TMEM71: variants seen among roughly 807,000 people sequenced by gnomAD.
The protein encoded by TMEM71 is transmembrane protein 71.
TMEM71 carries 44 observed loss-of-function variants against 38.0 expected under a neutral mutation model. The observed-to-expected ratio is 1.16, with a 90% CI of 0.91 to 1.49. The LOEUF (loss-of-function observed/expected upper bound fraction) is 1.49. Ranked by LOEUF, TMEM71 falls within the 40% of genes most tolerant of loss-of-function variation. TMEM71 has a pLI of 0.00. For missense variants in TMEM71, 367 were observed against 348.6 expected (o/e 1.05, Z -0.42); for synonymous variants, 133 against 122.5 (o/e 1.09, Z -0.56).
In TMEM71 at chr8:132,751,953, C is replaced by A; in HGVS notation, c.146G>T (p.Gly49Val). The A allele has an allele frequency of 6.2e-7, 1 of 1,614,038 alleles. No homozygotes were observed. ...SLDGYHSFECGSIDPLTGSHY... is the reference protein window; with the variant it reads ...SLDGYHSFECVSIDPLTGSHY... Reference sequence around the variant, plus strand: ...GGAGCCTGTCAGGGGATCTATGGAGCCGCATTCAAAAGAATGGTAACCATC... The same window carrying A: ...GGAGCCTGTCAGGGGATCTATGGAGACGCATTCAAAAGAATGGTAACCATC... The change falls in exon 4 of 10, where the codon GGC (glycine) becomes GTC (valine). Residue 49 changes from glycine to valine, a missense_variant. Coordinates refer to ENST00000677595, the MANE Select transcript of TMEM71 (RefSeq NM_001382403.1).
the TMEM71 span, chr8:132,775,705 C>A: frequency 3.1e-6 from 1 of 318,106 alleles, no homozygotes; most frequent in Non-Finnish European, 5.7e-6. Context: ...CCGCCCGGGA[C>A]GCCCCCATTC....
chr8:132,708,983 A>G (rs1469716828), downstream of TMEM71, among the ~76,000 whole-genome samples: 1 of 152,196 alleles, frequency 6.6e-6, no homozygotes, highest in East Asian at 1.9e-4. Context: ...TAAGCCACCA[A>G]ATCTGTGGTA....
chr8:132,754,322 T>C (rs1028250421), intron 3 of TMEM71, among the ~76,000 whole-genome samples: 1 of 152,156 alleles, frequency 6.6e-6, no homozygotes, highest in Non-Finnish European at 1.5e-5. Flanking sequence ...CTAAATAAAC[T>C]ATCGATTTCT....
chr8:132,758,025 CA>C (rs1222303208), intron 2 of TMEM71: 1 of 152,100 alleles, frequency 6.6e-6, no homozygotes, highest in Non-Finnish European at 1.5e-5. Context: ...GACTCTCCCT[CA>C]TTAGTGCATA....
At chr8:132,728,013 A>AGT (rs59776482) in intron 5 of TMEM71, 27 bp from the exon 6 acceptor site, 30,675 of 1,078,200 alleles carry the variant, frequency 0.028, 125 homozygotes, top group South Asian at 0.03. Flanking sequence ...GTTCAGTGTG[A>AGT]GTGTGTGTGT....
At chr8:132,741,984 G>T (rs972711937) in intron 5 of TMEM71, among the ~76,000 whole-genome samples, 2 of 152,244 alleles carry the variant, frequency 1.3e-5, no homozygotes, top group African/African-American at 4.8e-5. Context: ...CCAGACGCTG[G>T]CGTCACCACT....
chr8:132,752,259 T>C (rs1390747066), intron 3 of TMEM71, among the ~76,000 whole-genome samples: 1 of 152,218 alleles, frequency 6.6e-6, no homozygotes, highest in African/African-American at 2.4e-5. Context: ...CCTCACCATA[T>C]GGTTAACCTA....
chr8:132,723,872 T>A (rs1371147288), intron 6 of TMEM71, among the ~76,000 whole-genome samples: 2 of 152,178 alleles, frequency 1.3e-5, no homozygotes, highest in African/African-American at 2.4e-5. Flanking sequence ...TTCTCCCTAT[T>A]TTCCCTAAGT....
At chr8:132,726,244 T>TA (rs1247211113) in intron 6 of TMEM71, among the ~76,000 whole-genome samples, 3 of 151,066 alleles carry the variant, frequency 2.0e-5, no homozygotes, top group Non-Finnish European at 4.4e-5. Flanking sequence ...AAGGGAACTA[T>TA]AAAAAAACAA....
chr8:132,765,351 A>T (rs188534622), upstream of TMEM71, among the ~76,000 whole-genome samples: 575 of 152,296 alleles, frequency 3.8e-3, 4 homozygotes, highest in African/African-American at 0.012. Context: ...GACTCGGCCC[A>T]AAGCTCCAGT....
intron 7 of TMEM71, among the ~76,000 whole-genome samples, chr8:132,718,664 T>C (rs1381367497): frequency 6.6e-6 from 1 of 152,226 alleles, no homozygotes; most frequent in East Asian, 1.9e-4. Flanking sequence ...CCCAAAGTGC[T>C]GGGACTACAG....
At position 132,747,118 on chromosome 8, in the gene TMEM71, G is replaced by C; in HGVS notation, c.315-4C>G. 1 of 1,588,446 alleles carries C rather than the reference G, an allele frequency of 6.3e-7. No individual in the cohort carries two copies. The highest frequency in any genetic ancestry group is 8.6e-7 in the Non-Finnish European group (1 of 1,169,246). ...TCTCTTTTTCTTTCTAAATATCCTAGAGAGAAATGAAAGCATGGTGAACAA... is the reference window on the plus strand; with the variant it reads ...TCTCTTTTTCTTTCTAAATATCCTACAGAGAAATGAAAGCATGGTGAACAA... On this transcript the variant is annotated splice_region_variant and splice_polypyrimidine_tract_variant and intron_variant, in intron 4 of 9. Coordinates refer to ENST00000677595, the MANE Select transcript of TMEM71 (RefSeq NM_001382403.1).
intron 9 of TMEM71, among the ~76,000 whole-genome samples, chr8:132,711,274 C>G (rs1826220489): frequency 6.6e-6 from 1 of 152,150 alleles, no homozygotes; most frequent in Admixed American, 6.5e-5. Context: ...CCTATGGTTT[C>G]CTCTTCCCAC....
intron 5 of TMEM71, among the ~76,000 whole-genome samples, chr8:132,744,638 A>G (rs1348377795): frequency 1.3e-5 from 2 of 152,224 alleles, no homozygotes; most frequent in Non-Finnish European, 2.9e-5. Context: ...AACTATTCCT[A>G]TCAAACTATC....
intron 5 of TMEM71, among the ~76,000 whole-genome samples, chr8:132,737,767 C>T (rs975280298): frequency 2.7e-4 from 41 of 152,226 alleles, no homozygotes; most frequent in Admixed American, 2.6e-3. Context: ...TGTTCAACCT[C>T]CTGAATTCCT....
Position 132,738,858 on chromosome 8 carries a change from G to GCA in TMEM71, c.487+8082_487+8083dup, listed in dbSNP as rs10531257. Among the ~76,000 whole-genome samples, 1,292 of 150,608 alleles carry GCA rather than the reference G, an allele frequency of 8.6e-3. 8 individuals are homozygous for GCA. The highest frequency in any genetic ancestry group is 0.011 in the Non-Finnish European group (746 of 67,612). ...TCTTAAAACTAATCTAGTATTACAT[G>GCA]CACACACACACACACACACACAGGA... is the stretch of plus-strand genomic sequence containing the variant. On this transcript the variant is annotated intron_variant, in intron 5 of 9. Coordinates refer to ENST00000677595, the MANE Select transcript of TMEM71 (RefSeq NM_001382403.1).
chr8:132,734,241 C>A (rs767147336), intron 5 of TMEM71, among the ~76,000 whole-genome samples: 28 of 151,974 alleles, frequency 1.8e-4, no homozygotes, highest in Non-Finnish European at 3.8e-4. Context: ...TGTCTATTAC[C>A]TTGATTGTGG....
intron 7 of TMEM71, among the ~76,000 whole-genome samples, chr8:132,719,616 A>G (rs527845984): frequency 1.2e-4 from 18 of 152,346 alleles, no homozygotes; most frequent in African/African-American, 4.3e-4. Flanking sequence ...TCTGTCACCT[A>G]TCACTTACTA....
chr8:132,755,745 T>C (rs1828967934), intron 3 of TMEM71, among the ~76,000 whole-genome samples: 1 of 152,224 alleles, frequency 6.6e-6, no homozygotes, highest in South Asian at 2.1e-4. Flanking sequence ...CTCAGCCCTG[T>C]AATAAAATAC....
Sources: gnomAD v4.1 joint callset for allele counts (sites outside exome capture counted in the v4.1 genomes callset) on GRCh38, gnomAD v4.1.1 for gene constraint, MANE v1.5 for transcripts, NCBI Gene and HGNC (gene_info 2026-07-23, HGNC 2026-07-21) for gene names.